Variants in ANKS1B observed in about 807,000 individuals in gnomAD.
The protein encoded by ANKS1B is ankyrin repeat and sterile alpha motif domain-containing protein 1B.
A neutral mutation model predicts 148.3 loss-of-function variants in ANKS1B; 36 were observed. The ratio of observed to expected loss-of-function variants is 0.24; its 90% CI spans 0.19 to 0.32. ANKS1B has a LOEUF of 0.32. Among genes scored for constraint, ANKS1B ranks in the 10% least tolerant of loss-of-function variants. ANKS1B has a pLI of 1.00. For synonymous variants in ANKS1B, 542 were observed against 560.8 expected (o/e 0.97, Z 0.47); for missense variants, 1,157 against 1,542.6 (o/e 0.75, Z 4.19).
At chr12:99,590,499 A>T (rs2097692386) in intron 9 of ANKS1B, among the ~76,000 whole-genome samples, 1 of 152,298 alleles carries the variant, frequency 6.6e-6, no homozygotes, top group South Asian at 2.1e-4. Flanking sequence ...TTGCATCCAC[A>T]GCATCTACCA....
intron 26 of ANKS1B, among the ~76,000 whole-genome samples, chr12:98,749,618 A>T (rs933901690): frequency 1.3e-5 from 2 of 152,146 alleles, no homozygotes; most frequent in African/African-American, 2.4e-5. Flanking sequence ...GGGGGAGGAT[A>T]TTCCAGGTGT....
intron 15 of ANKS1B, among the ~76,000 whole-genome samples, chr12:99,116,774 C>T (rs957342566): frequency 3.3e-5 from 5 of 151,980 alleles, no homozygotes; most frequent in African/African-American, 7.3e-5. Context: ...GCATTGAATC[C>T]ATAAATTACT....
intron 17 of ANKS1B, among the ~76,000 whole-genome samples, chr12:98,837,338 GAA>G (rs528891920): frequency 1.5e-5 from 2 of 129,652 alleles, no homozygotes; most frequent in Non-Finnish European, 1.6e-5. Flanking sequence ...CTCTGTCTCA[GAA>G]AAAAAAAAAA....
chr12:99,740,372 G>A (rs531878229), intron 8 of ANKS1B, among the ~76,000 whole-genome samples: 3 of 152,196 alleles, frequency 2.0e-5, no homozygotes, highest in East Asian at 3.9e-4. Flanking sequence ...ACAGGCTACT[G>A]TTGTAATAAT....
intron 8 of ANKS1B, among the ~76,000 whole-genome samples, chr12:99,756,714 G>A (rs1448400164): frequency 6.6e-6 from 1 of 151,956 alleles, no homozygotes; most frequent in African/African-American, 2.4e-5. Context: ...GCATAGTACT[G>A]GTACAGAAAC....
chr12:99,335,409 A>G (rs188492688), intron 12 of ANKS1B, among the ~76,000 whole-genome samples: 1 of 152,028 alleles, frequency 6.6e-6, no homozygotes, highest in African/African-American at 2.4e-5. Context: ...ATTACTGTTG[A>G]CTATAGTCAC....
intron 1 of ANKS1B, among the ~76,000 whole-genome samples, chr12:99,947,558 T>C (rs1318051064): frequency 1.3e-5 from 2 of 152,198 alleles, no homozygotes; most frequent in African/African-American, 4.8e-5. Flanking sequence ...GACCTATATA[T>C]ATAGGTTTCT....
At chr12:99,232,656 C>T (rs1041056826) in intron 14 of ANKS1B, among the ~76,000 whole-genome samples, 3 of 152,172 alleles carry the variant, frequency 2.0e-5, no homozygotes, top group Non-Finnish European at 4.4e-5. Context: ...AATTTCCTAA[C>T]TTGAAAGCAC....
intron 2 of ANKS1B, among the ~76,000 whole-genome samples, chr12:99,820,005 C>T (rs1169971919): frequency 6.6e-6 from 1 of 151,744 alleles, no homozygotes. Context: ...AGTAGAAATA[C>T]ATGTGACAAT....
intron 9 of ANKS1B, among the ~76,000 whole-genome samples, chr12:99,610,661 A>G (rs2097893960): frequency 6.6e-6 from 1 of 152,082 alleles, no homozygotes; most frequent in South Asian, 2.1e-4. Flanking sequence ...GCTTCAGTCC[A>G]AAGTACTGAG....
chr12:99,755,714 T>G (rs1313928591), intron 8 of ANKS1B, among the ~76,000 whole-genome samples: 1 of 151,224 alleles, frequency 6.6e-6, no homozygotes, highest in Non-Finnish European at 1.5e-5. Flanking sequence ...CACAAGTCAA[T>G]AAATGTGATT....
intron 17 of ANKS1B, among the ~76,000 whole-genome samples, chr12:99,003,745 T>C (rs1208273024): frequency 6.6e-6 from 1 of 152,208 alleles, no homozygotes; most frequent in Non-Finnish European, 1.5e-5. Context: ...GCTGCACGCA[T>C]GGGCAGACCT....
At chr12:98,993,953 G>C (rs1041371423) in intron 17 of ANKS1B, among the ~76,000 whole-genome samples, 1 of 152,134 alleles carries the variant, frequency 6.6e-6, no homozygotes, top group Non-Finnish European at 1.5e-5. Context: ...CAAAGTTATA[G>C]TTATGTTGAA....
intron 9 of ANKS1B, among the ~76,000 whole-genome samples, chr12:99,601,149 A>T (rs1049397211): frequency 2.6e-5 from 4 of 152,082 alleles, no homozygotes; most frequent in Non-Finnish European, 5.9e-5. Flanking sequence ...CTGTGGATGG[A>T]GTCAGCATTT....
At chr12:98,743,128 C>T (rs1172590435), downstream of ANKS1B, among the ~76,000 whole-genome samples, 1 of 152,102 alleles carries the variant, frequency 6.6e-6, no homozygotes, top group Non-Finnish European at 1.5e-5. Context: ...GTGATGCTAC[C>T]TTGAATCCAG....
intron 20 of ANKS1B, among the ~76,000 whole-genome samples, chr12:98,806,723 C>A (rs924404933): frequency 6.6e-6 from 1 of 152,186 alleles, no homozygotes; most frequent in African/African-American, 2.4e-5. Context: ...TTCAAAAAAT[C>A]TTCAAGAATG....
At chr12:98,824,150 A>G (rs1344136629) in intron 19 of ANKS1B, among the ~76,000 whole-genome samples, 1 of 152,226 alleles carries the variant, frequency 6.6e-6, no homozygotes, top group East Asian at 1.9e-4. Flanking sequence ...ATTTTTTGTT[A>G]CAATTTTGTA....
chr12:99,722,373 T>A, intron 8 of ANKS1B, among the ~76,000 whole-genome samples: 1 of 152,200 alleles, frequency 6.6e-6, no homozygotes. Flanking sequence ...TAACTTTAAG[T>A]TGAAGCCAAT....
chr12:98,829,827 C>T lies in ANKS1B; in HGVS notation c.2887-474G>A, dbSNP rs554286308. Among the ~76,000 whole-genome samples the T allele has an allele frequency of 3.9e-5, 6 of 152,320 alleles. No individual in the cohort carries two copies. Among genetic ancestry groups the T allele is most frequent in the African/African-American group, 9.6e-5 (4 of 41,580 alleles). On this transcript the variant is annotated intron_variant, in intron 18 of 26. Transcript: ENST00000683438. The surrounding 1 kb of genome is among the most constrained non-coding windows in gnomAD (Gnocchi z 5.2). ...CAGTACGGCAACACAGCATGTCACA[C>T]GCACAGACTGCAGAGCAGTGCATGC...
Sources: allele counts gnomAD v4.1 joint callset (sites outside exome capture counted in the v4.1 genomes callset), GRCh38; gene constraint gnomAD v4.1.1; non-coding constraint Gnocchi (gnomAD v3.1); transcripts MANE v1.5; gene names NCBI Gene and HGNC (gene_info 2026-07-23, HGNC 2026-07-21).